MAPKAP1: variants seen among roughly 807,000 people sequenced by gnomAD.
MAPKAP1 encodes the protein target of rapamycin complex 2 subunit MAPKAP1.
Under a neutral mutation model 65.7 loss-of-function variants are expected in MAPKAP1, and 20 were observed. The ratio of observed to expected loss-of-function variants is 0.30; its 90% CI spans 0.21 to 0.44. The LOEUF (loss-of-function observed/expected upper bound fraction) is 0.44. Among genes scored for constraint, MAPKAP1 ranks in the 20% least tolerant of loss-of-function variants. MAPKAP1 has a pLI of 1.00. For missense variants in MAPKAP1, 423 were observed against 648.0 expected (o/e 0.65, Z 3.77); for synonymous variants, 222 against 244.3 (o/e 0.91, Z 0.85).
At chr9:125,693,231 G>A (rs968538236) in intron 1 of MAPKAP1, among the ~76,000 whole-genome samples, 1 of 151,888 alleles carries the variant, frequency 6.6e-6, no homozygotes, top group African/African-American at 2.4e-5. Flanking sequence ...TGGCCAACAT[G>A]GTGAAACCCC....
At chr9:125,511,439 G>A (rs994519417) in intron 7 of MAPKAP1, among the ~76,000 whole-genome samples, 6 of 152,136 alleles carry the variant, frequency 3.9e-5, no homozygotes, top group Admixed American at 6.5e-5. Context: ...AGAAGTGAGA[G>A]AATTCATACC....
At chr9:125,507,272 A>G in intron 7 of MAPKAP1, among the ~76,000 whole-genome samples, 1 of 152,240 alleles carries the variant, frequency 6.6e-6, no homozygotes, top group East Asian at 1.9e-4. Context: ...AACGGGTCCA[A>G]TGATCAGATT....
chr9:125,566,281 C>A (rs1239416043), intron 5 of MAPKAP1, among the ~76,000 whole-genome samples: 1 of 152,184 alleles, frequency 6.6e-6, no homozygotes, highest in African/African-American at 2.4e-5. Context: ...TATAAGACTT[C>A]TTGCTGGGTG....
At chr9:125,510,673 G>A (rs985372422) in intron 7 of MAPKAP1, among the ~76,000 whole-genome samples, 2 of 152,198 alleles carry the variant, frequency 1.3e-5, no homozygotes, top group African/African-American at 4.8e-5. Context: ...AACTTAGCAA[G>A]GGACCAATGG....
intron 9 of MAPKAP1, among the ~76,000 whole-genome samples, chr9:125,476,831 G>A (rs963464669): frequency 6.6e-6 from 1 of 152,186 alleles, no homozygotes; most frequent in African/African-American, 2.4e-5. Context: ...CAAATATGCT[G>A]CCTGTCATCA....
intron 3 of MAPKAP1, among the ~76,000 whole-genome samples, chr9:125,666,923 T>C (rs1237660842): frequency 6.6e-6 from 1 of 152,292 alleles, no homozygotes; most frequent in East Asian, 1.9e-4. Context: ...CAGGAATGAC[T>C]ACCAGGCAGG....
intron 4 of MAPKAP1, among the ~76,000 whole-genome samples, chr9:125,627,976 C>A (rs949394570): frequency 6.6e-6 from 1 of 152,144 alleles, no homozygotes; most frequent in Non-Finnish European, 1.5e-5. Flanking sequence ...ACGACAAAGG[C>A]GGCCACTTCA....
intron 2 of MAPKAP1, among the ~76,000 whole-genome samples, chr9:125,671,374 C>T (rs1834493461): frequency 6.6e-6 from 1 of 152,254 alleles, no homozygotes; most frequent in South Asian, 2.1e-4. Flanking sequence ...GCTCTACCTC[C>T]AATATTCCTT....
At chr9:125,653,061 G>A (rs1287150229) in intron 4 of MAPKAP1, among the ~76,000 whole-genome samples, 1 of 152,196 alleles carries the variant, frequency 6.6e-6, no homozygotes, top group Non-Finnish European at 1.5e-5. Context: ...TTTGTTGAGT[G>A]TTTCCTATGT....
At chr9:125,503,861 C>T (rs1422455593) in intron 8 of MAPKAP1, among the ~76,000 whole-genome samples, 2 of 146,764 alleles carry the variant, frequency 1.4e-5, no homozygotes, top group African/African-American at 5.1e-5. Context: ...GGATTATAGG[C>T]ACCCGCCACC....
At chr9:125,480,246 AGTCT>A (rs1460222167) in intron 9 of MAPKAP1, among the ~76,000 whole-genome samples, 1 of 152,240 alleles carries the variant, frequency 6.6e-6, no homozygotes, top group African/African-American at 2.4e-5. Flanking sequence ...ACTCATGGGC[AGTCT>A]GTCTGATTGT....
At position 125,707,178 on chromosome 9, in the gene MAPKAP1, A is replaced by AGCAGCCCTATTACCCCGAGCC. The variant is rs1401568662; in HGVS notation, c.-298_-278dup. ...GCTCGCCGCCGCCGGCCGGCCGAGC[A>AGCAGCCCTATTACCCCGAGCC]GCAGCCCTATTACCCCGAGCCGCAC... On this transcript the variant is annotated 5_prime_UTR_variant, in exon 1 of 12. Transcript: ENST00000265960. 11 of 397,628 alleles carry AGCAGCCCTATTACCCCGAGCC rather than the reference A, an allele frequency of 2.8e-5. No homozygotes were observed. The highest frequency in any genetic ancestry group is 1.2e-3 in the Middle Eastern group (2 of 1,606). 24.6% of individuals were successfully genotyped at this position (397,628 alleles called of 1,614,324 possible).
In MAPKAP1 at chr9:125,596,570, G is replaced by A. The variant is rs192849582; in HGVS notation, c.499-10843C>T. Reference sequence around the variant, plus strand: ...CAGTACTTTCCCAAACCACAAAACCGAGGTGGCTATGGCAGTTCCAGTAGC... The same window carrying A: ...CAGTACTTTCCCAAACCACAAAACCAAGGTGGCTATGGCAGTTCCAGTAGC... On this transcript the variant is annotated intron_variant, in intron 4 of 11. Coordinates refer to ENST00000265960, the MANE Select transcript of MAPKAP1 (RefSeq NM_001006617.3). The A allele has an allele frequency of 9.2e-3, 6,382 of 689,974 alleles. 61 individuals are homozygous for A. Among genetic ancestry groups the A allele is most frequent in the Non-Finnish European group, 0.013 (4,953 of 369,850 alleles). 42.7% of individuals were successfully genotyped at this position (689,974 alleles called of 1,614,324 possible). A position where few individuals can be genotyped will look rare whatever the true frequency, so the allele number is the denominator to read the frequency against.
chr9:125,586,922 CT>C (rs1413520981), intron 4 of MAPKAP1, among the ~76,000 whole-genome samples: 4 of 152,202 alleles, frequency 2.6e-5, no homozygotes, highest in Non-Finnish European at 5.9e-5. Context: ...TCTCAACAGT[CT>C]TGATGCTTCT....
chr9:125,673,019 G>T (rs1379710391), intron 1 of MAPKAP1, among the ~76,000 whole-genome samples: 2 of 152,116 alleles, frequency 1.3e-5, no homozygotes, highest in African/African-American at 2.4e-5. Flanking sequence ...GGAACAAGTT[G>T]TATTTTCCTC....
At chr9:125,542,890 G>A (rs1465850395) in intron 7 of MAPKAP1, 169 bp downstream of exon 7, 2 of 755,614 alleles carry the variant, frequency 2.6e-6, no homozygotes, top group East Asian at 2.5e-5. Flanking sequence ...CCCTTTCTGA[G>A]GCCGAGGGGC....
chr9:125,483,771 A>G (rs1254438118), intron 9 of MAPKAP1, among the ~76,000 whole-genome samples: 2 of 152,214 alleles, frequency 1.3e-5, no homozygotes, highest in African/African-American at 2.4e-5. Flanking sequence ...AGATGGGGAC[A>G]GTAAAAATAC....
rs78051307 is a variant in MAPKAP1 at position 125,591,301 on chromosome 9, C to T, written c.499-5574G>A. 4.8e-3 allele frequency among the ~76,000 whole-genome samples: 731 copies of T among 152,280 alleles called. 5 individuals are homozygous for T. The highest frequency in any genetic ancestry group is 0.017 in the African/African-American group (691 of 41,548). On this transcript the variant is annotated intron_variant, in intron 4 of 11. Coordinates refer to ENST00000265960, the MANE Select transcript of MAPKAP1 (RefSeq NM_001006617.3). ...GTCTCCCTCTTCTTTTCCCTACAAA[C>T]CTGAGGAAAGCTTTGCCTGAGGAGC...
At chr9:125,648,292 G>C (rs981333581) in intron 4 of MAPKAP1, among the ~76,000 whole-genome samples, 7 of 152,048 alleles carry the variant, frequency 4.6e-5, no homozygotes, top group Admixed American at 4.6e-4. Context: ...TGTTCTGTTA[G>C]GATAATTAAG....
Sources: allele counts gnomAD v4.1 joint callset (sites outside exome capture counted in the v4.1 genomes callset), GRCh38; gene constraint gnomAD v4.1.1; transcripts MANE v1.5; gene names NCBI Gene and HGNC (gene_info 2026-07-23, HGNC 2026-07-21).